Variants in HSD17B6 observed in about 807,000 individuals in gnomAD.
HSD17B6 encodes the protein 17-beta-hydroxysteroid dehydrogenase type 6.
HSD17B6 carries 16 observed loss-of-function variants against 26.4 expected under a neutral mutation model. The ratio of observed to expected loss-of-function variants is 0.61; its 90% confidence interval spans 0.41 to 0.92. The LOEUF is 0.92. HSD17B6 is among the 40% of genes least tolerant of loss of function. HSD17B6 has a pLI of 0.00. For synonymous variants in HSD17B6, 139 were observed against 153.0 expected (o/e 0.91, Z 0.68); for missense variants, 357 against 386.1 (o/e 0.92, Z 0.63).
chr12:56,783,043 T>G (rs1379719566), intron 3 of HSD17B6, among the ~76,000 whole-genome samples: 1 of 152,200 alleles, frequency 6.6e-6, no homozygotes, highest in African/African-American at 2.4e-5. Flanking sequence ...GTCTACTTCT[T>G]TCTACACAGA....
chr12:56,769,277 T>C (rs1393902745), intron 1 of HSD17B6, among the ~76,000 whole-genome samples: 2 of 152,122 alleles, frequency 1.3e-5, no homozygotes, highest in Non-Finnish European at 2.9e-5. Context: ...AATTTTTGTA[T>C]TTTTAGTAGA....
At position 56,782,074 on chromosome 12, in the gene HSD17B6, C is replaced by A; in HGVS notation, c.414C>A (p.Leu138=). The part of the protein sequence containing the change: ...EDSMNMLKVN[L]IGVIQVTLSM... ...CTATGAATATGCTCAAAGTGAACCTCATTGGTGTGATCCAGGTGACCTTGA... is the reference window on the plus strand; with the variant it reads ...CTATGAATATGCTCAAAGTGAACCTAATTGGTGTGATCCAGGTGACCTTGA... Residue 138 remains leucine, a synonymous_variant, in exon 3 of 5, where the codon CTC becomes CTA. Transcript: ENST00000322165. 1.9e-6 allele frequency: 3 copies of A among 1,614,176 alleles called. No homozygotes were observed. The highest frequency in any genetic ancestry group is 2.5e-6 in the Non-Finnish European group (3 of 1,180,036).
At chr12:56,783,517 T>C (rs71462342) in intron 3 of HSD17B6, among the ~76,000 whole-genome samples, 18 of 103,714 alleles carry the variant, frequency 1.7e-4, no homozygotes, top group East Asian at 1.0e-3. Context: ...CCCTCCCGGA[T>C]GGGGCGGCCG....
chr12:56,782,185 C>G lies in HSD17B6; in HGVS notation c.525C>G (p.Gly175=). ...ILGRVAFFVG[G]YCVSKYGVEA... ...GAAGAGTTGCTTTCTTTGTAGGAGG[C>G]TACTGTGTCTCCAAGTATGGAGTGG... Residue 175 remains glycine, a synonymous_variant, in exon 3 of 5, where the codon GGC becomes GGG. Transcript: ENST00000322165. The G allele has an allele frequency of 6.2e-7, 1 of 1,614,178 alleles. No individual in the cohort carries two copies. Among genetic ancestry groups the G allele is most frequent in the Non-Finnish European group, 8.5e-7 (1 of 1,180,016 alleles).
At chr12:56,785,884 T>C (rs1954863289) in intron 4 of HSD17B6, 1 of 905,542 alleles carries the variant, frequency 1.1e-6, no homozygotes, top group Non-Finnish European at 1.3e-6. Flanking sequence ...TCCCTGAGGC[T>C]ATATTTCTCT....
At chr12:56,781,122 G>A (rs1417913902) in intron 2 of HSD17B6, among the ~76,000 whole-genome samples, 1 of 151,996 alleles carries the variant, frequency 6.6e-6, no homozygotes, top group Non-Finnish European at 1.5e-5. Context: ...TTTCAAACAG[G>A]GGGGCTTCTT....
In HSD17B6 at chr12:56,774,128, A is replaced by G. The variant is rs1319957648; in HGVS notation, c.276A>G (p.Ala92=). The change falls in exon 2 of 5, where the codon GCA becomes GCG. Residue 92 remains alanine (A), a synonymous_variant. Coordinates refer to ENST00000322165, the MANE Select transcript of HSD17B6 (RefSeq NM_003725.4). ...LDVTKMESIA[A]ATQWVKEHVG... is the part of the protein sequence containing the mutation. ...TTACCAAGATGGAGAGCATCGCTGC[A>G]GCTACTCAGTGGGTGAAGGAGCATG... is the stretch of plus-strand genomic sequence containing the variant. 1 of 1,596,522 alleles carries G rather than the reference A, an allele frequency of 6.3e-7. No homozygotes were observed. Among genetic ancestry groups the G allele is most frequent in the East Asian group, 2.2e-5 (1 of 44,646 alleles).
intron 3 of HSD17B6, 112 bp downstream of exon 3, chr12:56,782,344 A>G (rs1954739249): frequency 4.0e-6 from 4 of 990,904 alleles, no homozygotes; most frequent in Middle Eastern, 3.3e-4. Flanking sequence ...TGATACATAG[A>G]TATTATTACT....
chr12:56,774,341 A>G (rs78541613), intron 2 of HSD17B6, among the ~76,000 whole-genome samples, 176 bp downstream of exon 2: 7,065 of 152,290 alleles, frequency 0.046, 189 homozygotes, highest in African/African-American at 0.079. Context: ...ACCTATGCAC[A>G]TCCTTTAAGG....
At chr12:56,784,349 G>A (rs1201010095) in intron 3 of HSD17B6, among the ~76,000 whole-genome samples, 1 of 152,176 alleles carries the variant, frequency 6.6e-6, no homozygotes, top group Non-Finnish European at 1.5e-5. Flanking sequence ...AGGTTGTAGC[G>A]AGCCGAGATC....
intron 4 of HSD17B6, among the ~76,000 whole-genome samples, chr12:56,785,394 C>G (rs770310483): frequency 2.0e-5 from 3 of 152,204 alleles, no homozygotes; most frequent in Non-Finnish European, 4.4e-5. Flanking sequence ...GACACAAAGC[C>G]AAACCATATC....
At chr12:56,784,121 C>T (rs899229596) in intron 3 of HSD17B6, among the ~76,000 whole-genome samples, 5 of 151,716 alleles carry the variant, frequency 3.3e-5, no homozygotes, top group Non-Finnish European at 5.9e-5. Flanking sequence ...GATGGGATGG[C>T]GGCCGGGAAG....
intron 2 of HSD17B6, among the ~76,000 whole-genome samples, chr12:56,777,365 A>ATT (rs60596799): frequency 7.2e-6 from 1 of 138,904 alleles, no homozygotes; most frequent in African/African-American, 2.8e-5. Flanking sequence ...CAAAGTGTAA[A>ATT]TTTTTTTTTT....
At chr12:56,786,075 C>A in intron 4 of HSD17B6, 1 of 361,610 alleles carries the variant, frequency 2.8e-6, no homozygotes, top group Non-Finnish European at 3.8e-6. Flanking sequence ...ATGATGATTG[C>A]ACAACTCTGA....
intron 2 of HSD17B6, among the ~76,000 whole-genome samples, chr12:56,779,369 C>G (rs1211819547): frequency 6.6e-6 from 1 of 152,136 alleles, no homozygotes; most frequent in African/African-American, 2.4e-5. Context: ...AACTCCTGGT[C>G]TCAAGTGATC....
intron 2 of HSD17B6, among the ~76,000 whole-genome samples, chr12:56,775,750 C>G (rs1294771857): frequency 2.0e-5 from 3 of 151,828 alleles, no homozygotes. Flanking sequence ...TTATATAGTT[C>G]TGTGGGTTTG....
chr12:56,784,937 C>T lies in HSD17B6; in HGVS notation c.657C>T (p.Ser219=). 6.2e-7 allele frequency: 1 copy of T among 1,613,956 alleles called. No homozygotes were observed. Among genetic ancestry groups the T allele is most frequent in the Middle Eastern group, 1.6e-4 (1 of 6,062 alleles). ...CGGGAATGACAAACATGACACAGTC[C>T]TTAGAGCGAATGAAGCAAAGTTGGA... ...FRTGMTNMTQ[S]LERMKQSWKE... The change falls in exon 4 of 5, where the codon TCC becomes TCT. Residue 219 remains serine, a synonymous_variant. Coordinates refer to ENST00000322165, the MANE Select transcript of HSD17B6 (RefSeq NM_003725.4).
chr12:56,763,437 T>TTGTGTGTGTGTGTGTGTG (rs35753038), intron 1 of HSD17B6, 23 bp downstream of exon 1: 1 of 136,208 alleles, frequency 7.3e-6, no homozygotes, highest in Non-Finnish European at 1.6e-5. Context: ...GTAAGGGTGG[T>TTGTGTGTGTGTGTGTGTG]TGTGTGTGTG....
intron 3 of HSD17B6, among the ~76,000 whole-genome samples, chr12:56,783,636 G>C (rs1327802576): frequency 5.0e-5 from 3 of 59,514 alleles, no homozygotes; most frequent in Non-Finnish European, 9.7e-5. Flanking sequence ...GGCCGGGTGG[G>C]GGGCTGACCC....
Sources: gnomAD v4.1 joint callset for allele counts (sites outside exome capture counted in the v4.1 genomes callset) on GRCh38, gnomAD v4.1.1 for gene constraint, MANE v1.5 for transcripts, NCBI Gene and HGNC (gene_info 2026-07-23, HGNC 2026-07-21) for gene names.